Variants in ARHGAP39 observed in about 807,000 individuals in gnomAD.
The protein encoded by ARHGAP39 is Rho GTPase activating protein 39.
In ARHGAP39, 44 loss-of-function variants were observed where a neutral mutation model predicts 106.9. The observed-to-expected ratio is 0.41, with a 90% CI of 0.32 to 0.53. ARHGAP39 has a LOEUF of 0.53. Ranked by LOEUF, ARHGAP39 falls within the 20% of genes least tolerant of loss-of-function variation. The pLI is 0.21. For missense variants in ARHGAP39, 1,496 were observed against 1,577.3 expected, an observed-to-expected ratio of 0.95 and a Z score of 0.87; for synonymous variants, 768 against 693.2, an observed-to-expected ratio of 1.11 and a Z score of -1.69.
chr8:144,556,943 G>C lies in ARHGAP39; in HGVS notation c.513-1300C>G, dbSNP rs991982921. 3.2e-4 allele frequency among the ~76,000 whole-genome samples: 45 copies of C among 140,856 alleles called. 3 individuals are homozygous for C. The highest frequency in any genetic ancestry group is 2.4e-3 in the Admixed American group (36 of 14,730). 92.4% of individuals were successfully genotyped at this position (140,856 alleles called of 152,430 possible). A position where few individuals can be genotyped will look rare whatever the true frequency, so the allele number is the denominator to read the frequency against. On this transcript the variant is annotated intron_variant, in intron 3 of 11. Coordinates refer to ENST00000377307, the MANE Select transcript of ARHGAP39 (RefSeq NM_025251.3). Reference sequence around the variant, plus strand: ...CCTTCATAGTATTCAGAGGCAAAAGGCTGAACCTTCATAGTATTCAGTGGC... The same window carrying C: ...CCTTCATAGTATTCAGAGGCAAAAGCCTGAACCTTCATAGTATTCAGTGGC...
chr8:144,546,624 G>A lies in ARHGAP39; in HGVS notation c.1959+503C>T, dbSNP rs1817433758. 2.6e-5 allele frequency among the ~76,000 whole-genome samples: 4 copies of A among 152,348 alleles called. No homozygotes were observed. The South Asian group carries it at 8.3e-4, about 32-fold the overall frequency. On this transcript the variant is annotated intron_variant, in intron 5 of 11. Coordinates refer to ENST00000377307, the MANE Select transcript of ARHGAP39 (RefSeq NM_025251.3). ...CCTCCATCAGCTCCAGGAGCCAGAT[G>A]GGGAACGTGCCAGAGGCCCCAGGCT...
intron 3 of ARHGAP39, among the ~76,000 whole-genome samples, chr8:144,571,789 A>C (rs1435701728): frequency 1.3e-5 from 2 of 152,258 alleles, no homozygotes; most frequent in Non-Finnish European, 2.9e-5. Flanking sequence ...AACTTCAGCA[A>C]AGTCTCAGAA....
rs1015232634 is a variant in ARHGAP39, at chr8:144,641,046, T to G, written c.-81-35351A>C. 6.6e-6 allele frequency among the ~76,000 whole-genome samples: 1 copy of G among 152,134 alleles called. No homozygotes were observed. Among genetic ancestry groups the G allele is most frequent in the Admixed American group, 6.5e-5 (1 of 15,278 alleles). On this transcript the variant is annotated intron_variant, in intron 1 of 11. Transcript: ENST00000377307. This position sits in a 1 kb window ranked among gnomAD's most constrained non-coding sequence, Gnocchi z 5.2. ...TTTCCTACAATAATAAAATGTACAC[T>G]CAACTAGATATTTTTATTTCTCATC...
rs1006724546 is a variant in ARHGAP39, at chr8:144,530,077, G to C, written c.*345C>G. 3.4e-6 allele frequency: 1 copy of C among 291,142 alleles called. No individual in the cohort carries two copies. The highest frequency in any genetic ancestry group is 6.5e-6 in the Non-Finnish European group (1 of 154,976). The allele number at this position is 291,142 out of a possible 1,614,324, so 18.0% of individuals were successfully genotyped here. A position where few individuals can be genotyped will look rare whatever the true frequency, so the allele number is the denominator to read the frequency against. On this transcript the variant is annotated 3_prime_UTR_variant, in exon 12 of 12. Transcript: ENST00000377307. Reference sequence around the variant, plus strand: ...AAGGCCCAGGCCAGGGCGCGCAGGAGCCACAGGGAGGCAGCCCGGCCCCAA... The same window carrying C: ...AAGGCCCAGGCCAGGGCGCGCAGGACCCACAGGGAGGCAGCCCGGCCCCAA...
At chr8:144,697,477 GTTA>G in the ARHGAP39 span, among the ~76,000 whole-genome samples, 1 of 151,786 alleles carries the variant, frequency 6.6e-6, no homozygotes, top group African/African-American at 2.4e-5. Flanking sequence ...TGTATTCAAT[GTTA>G]TTATTTAGCA....
intron 5 of ARHGAP39, 40 bp from the exon 6 acceptor site, chr8:144,545,850 G>C: frequency 1.4e-6 from 2 of 1,421,000 alleles, no homozygotes; most frequent in Non-Finnish European, 1.9e-6. Context: ...GGGGGTGGGG[G>C]AGGGCCAGGC....
chr8:144,547,803 G>A lies in ARHGAP39; in HGVS notation c.1283C>T (p.Ser428Phe), dbSNP rs781076391. The change falls in exon 5 of 12, where the codon TCC becomes TTC. Residue 428 changes from serine to phenylalanine, a missense_variant. Coordinates refer to ENST00000377307, the MANE Select transcript of ARHGAP39 (RefSeq NM_025251.3). This position sits in a 1 kb window ranked among gnomAD's most constrained non-coding sequence, Gnocchi z 5.2. Reference protein sequence around the residue: ...YAPNPGGGSYSLQPSPCLLRD... With the variant: ...YAPNPGGGSYFLQPSPCLLRD... ...CAGCAGGCAGGGGCTGGGCTGCAAG[G>A]AGTACGAACCACCGCCGGGGTTGGG... 6.3e-7 allele frequency: 1 copy of A among 1,594,308 alleles called. No homozygotes were observed. Among genetic ancestry groups the A allele is most frequent in the Non-Finnish European group, 8.5e-7 (1 of 1,174,366 alleles).
At chr8:144,677,744 T>C in intron 1 of ARHGAP39, among the ~76,000 whole-genome samples, 1 of 152,196 alleles carries the variant, frequency 6.6e-6, no homozygotes, top group East Asian at 1.9e-4. Flanking sequence ...TCTAGAAGGA[T>C]ACACAAGAAG....
intron 4 of ARHGAP39, among the ~76,000 whole-genome samples, chr8:144,552,518 AAAC>A (rs1817752477): frequency 6.6e-6 from 1 of 152,192 alleles, no homozygotes; most frequent in Non-Finnish European, 1.5e-5. Context: ...TATGCTTGAA[AAAC>A]AACTTCACTC....
chr8:144,647,023 C>A lies in ARHGAP39; in HGVS notation c.-82+38663G>T, dbSNP rs1821460630. Among the ~76,000 whole-genome samples the A allele has an allele frequency of 7.0e-6, 1 of 142,822 alleles. No homozygotes were observed. Among genetic ancestry groups the A allele is most frequent in the Non-Finnish European group, 1.5e-5 (1 of 66,792 alleles). 93.7% of individuals were successfully genotyped at this position (142,822 alleles called of 152,430 possible). A position where few individuals can be genotyped will look rare whatever the true frequency, so the allele number is the denominator to read the frequency against. ...CTCGCTTTATAGCCAGGCTGGAGTA[C>A]AACGACACCATCTCGGCTCACTGCA... On this transcript the variant is annotated intron_variant, in intron 1 of 11. Transcript: ENST00000377307. This position sits in a 1 kb window ranked among gnomAD's most constrained non-coding sequence, Gnocchi z 4.8.
chr8:144,616,651 CA>C (rs1365150292), intron 1 of ARHGAP39, among the ~76,000 whole-genome samples: 1 of 152,150 alleles, frequency 6.6e-6, no homozygotes, highest in East Asian at 1.9e-4. Context: ...GTGGGGAGGG[CA>C]GGGGGGGCCC....
At chr8:144,567,934 C>A (rs1408937725) in intron 3 of ARHGAP39, among the ~76,000 whole-genome samples, 1 of 152,144 alleles carries the variant, frequency 6.6e-6, no homozygotes, top group Non-Finnish European at 1.5e-5. Flanking sequence ...GTCTCCATGT[C>A]TTGGTGGTAG....
chr8:144,605,803 C>G (rs1173846364), intron 1 of ARHGAP39, 108 bp from the exon 2 acceptor site: 1 of 634,186 alleles, frequency 1.6e-6, no homozygotes, highest in Admixed American at 2.6e-5. Context: ...ACGATGGACT[C>G]CACGGCACCC....
chr8:144,582,881 G>A (rs138496278), intron 2 of ARHGAP39, among the ~76,000 whole-genome samples: 2 of 152,306 alleles, frequency 1.3e-5, no homozygotes, highest in East Asian at 1.9e-4. Flanking sequence ...GTGGGAAGGC[G>A]AGGTGGTGGG....
At chr8:144,603,974 C>T (rs908104036) in intron 2 of ARHGAP39, among the ~76,000 whole-genome samples, 5 of 152,064 alleles carry the variant, frequency 3.3e-5, no homozygotes, top group Non-Finnish European at 5.9e-5. Context: ...CAATATCAAC[C>T]CCGAAAAAAC....
chr8:144,662,673 C>T (rs1243938814), intron 1 of ARHGAP39, among the ~76,000 whole-genome samples: 5 of 149,204 alleles, frequency 3.4e-5, no homozygotes, highest in African/African-American at 1.2e-4. Flanking sequence ...CCCCATTATC[C>T]GCTTTGGACT....
In ARHGAP39 at chr8:144,614,421, C is replaced by T. The variant is rs569104954; in HGVS notation, c.-81-8726G>A. Among the ~76,000 whole-genome samples the T allele has an allele frequency of 4.3e-4, 65 of 151,868 alleles. 1 individual carries two copies. The highest frequency in any genetic ancestry group is 3.4e-3 in the Middle Eastern group (1 of 294). ...AGGCTGGAGTGCAACGGCACAATCC[C>T]GGTTCACTGCAACCTCCGCCTCCCG... On this transcript the variant is annotated intron_variant, in intron 1 of 11. Transcript: ENST00000377307.
In ARHGAP39 at chr8:144,545,721, G is replaced by T; in HGVS notation, c.2049C>A (p.Phe683Leu). The change falls in exon 6 of 12, where the codon TTC becomes TTA. Residue 683 changes from phenylalanine (F) to leucine (L), a missense_variant. By Grantham distance (22) the Phe-to-Leu change is conservative. Around this residue, in one of 4 missense-constraint regions of ARHGAP39, gnomAD observed 905 missense variants for 816.4 expected, o/e 1.11. Coordinates refer to ENST00000377307, the MANE Select transcript of ARHGAP39 (RefSeq NM_025251.3). ...TCTCCGAGGAGGGCTTGCGCAGCGT[G>T]AAAGTGGGGAAGACGCAGCTGGAGC... ...VPSSSCVFPT[F>L]TLRKPSSETD... 2 of 1,612,684 alleles carry T rather than the reference G, an allele frequency of 1.2e-6. No individual in the cohort carries two copies.
intron 4 of ARHGAP39, among the ~76,000 whole-genome samples, chr8:144,549,410 A>G (rs1388964546): frequency 6.6e-6 from 1 of 152,224 alleles, no homozygotes; most frequent in Non-Finnish European, 1.5e-5. Context: ...GTCTTCTACA[A>G]TTTCCAAATG....
Sources: gnomAD v4.1 joint callset for allele counts (sites outside exome capture counted in the v4.1 genomes callset) on GRCh38, gnomAD v4.1.1 for gene constraint, gnomAD v4.1.1 regional missense constraint, Gnocchi (gnomAD v3.1) non-coding constraint, MANE v1.5 for transcripts, NCBI Gene and HGNC (gene_info 2026-07-23, HGNC 2026-07-21) for gene names.